TEK: variants seen among roughly 807,000 people sequenced by gnomAD.
TEK encodes angiopoietin-1 receptor.
Under a neutral mutation model 131.8 loss-of-function variants are expected in TEK, and 43 were observed. The ratio of observed to expected loss-of-function variants is 0.33; its 90% CI spans 0.26 to 0.42. The LOEUF (loss-of-function observed/expected upper bound fraction) is 0.42, where lower values mean the gene tolerates loss of function less well. TEK is among the 10% of genes least tolerant of loss of function. The pLI is 1.00. For synonymous variants in TEK, 580 were observed against 491.6 expected (o/e 1.18, Z -2.38); for missense variants, 1,162 against 1,384.4 (o/e 0.84, Z 2.55).
intron 18 of TEK, 38 bp from the exon 19 acceptor site, chr9:27,217,650 T>C (rs1440434683): frequency 1.9e-6 from 3 of 1,601,558 alleles, no homozygotes; most frequent in East Asian, 4.5e-5. Flanking sequence ...TTAAAGACCC[T>C]GTCCCAGTTA....
At chr9:27,219,752 T>TCAGA (rs1466477427) in intron 20 of TEK, among the ~76,000 whole-genome samples, 58,875 of 128,354 alleles carry the variant, frequency 0.46, 13,717 homozygotes, top group Middle Eastern at 0.57. Flanking sequence ...CTTATTGGTA[T>TCAGA]AATAAAGGTT....
At chr9:27,215,267 G>A (rs1456598815) in intron 18 of TEK, among the ~76,000 whole-genome samples, 1 of 152,022 alleles carries the variant, frequency 6.6e-6, no homozygotes, top group Admixed American at 6.6e-5. Context: ...AGACTAAACA[G>A]GGTAAAGGTG....
Position 27,202,835 on chromosome 9 carries a change from C to G in TEK, c.1925C>G (p.Pro642Arg). ...TAATTTCTAGTTCTTCCTCCTCAAC[C>G]AGAAAACATCAAGATTTCCAACATT... The part of the protein sequence containing the change: ...WTLSDILPPQ[P>R]ENIKISNITH... The change falls in exon 13 of 23, where the codon CCA (proline) becomes CGA (arginine). Residue 642 changes from proline to arginine, a missense_variant. Pro to Arg is a moderately radical substitution (Grantham distance 103). Around this residue, in one of 6 missense-constraint regions of TEK, gnomAD observed 477 missense variants for 471.0 expected, o/e 1.01. Coordinates refer to ENST00000380036, the MANE Select transcript of TEK (RefSeq NM_000459.5). 6.2e-7 allele frequency: 1 copy of G among 1,614,030 alleles called. No individual in the cohort carries two copies. The highest frequency in any genetic ancestry group is 8.5e-7 in the Non-Finnish European group (1 of 1,179,930).
At chr9:27,229,065 A>G (rs1826455114) in intron 22 of TEK, 93 bp from the exon 23 acceptor site, 3 of 1,133,046 alleles carry the variant, frequency 2.6e-6, no homozygotes, top group African/African-American at 1.5e-5. Flanking sequence ...ATGAGTTGCA[A>G]CAAACTAAGA....
chr9:27,154,847 C>A (rs1482667450), intron 1 of TEK, among the ~76,000 whole-genome samples: 1 of 152,184 alleles, frequency 6.6e-6, no homozygotes, highest in African/African-American at 2.4e-5. Flanking sequence ...GCCACAATTT[C>A]CTTTTCCGTC....
At chr9:27,170,889 C>T (rs556610698) in intron 4 of TEK, among the ~76,000 whole-genome samples, 1 of 152,266 alleles carries the variant, frequency 6.6e-6, no homozygotes, top group South Asian at 2.1e-4. Context: ...GCACTAGAAG[C>T]TCACATTTGT....
chr9:27,183,330 G>A, intron 7 of TEK, 129 bp from the exon 8 acceptor site: 1 of 1,047,304 alleles, frequency 9.5e-7, no homozygotes, highest in Non-Finnish European at 1.5e-6. Flanking sequence ...CTTATGTGAT[G>A]ACAAAACAGT....
chr9:27,116,370 G>C (rs1821556111), intron 1 of TEK, among the ~76,000 whole-genome samples: 1 of 152,068 alleles, frequency 6.6e-6, no homozygotes, highest in African/African-American at 2.4e-5. Context: ...CTCGCTGCAA[G>C]CTCCACCTCC....
At position 27,183,542 on chromosome 9, in the gene TEK, G is replaced by A. The variant is rs527402232; in HGVS notation, c.1114G>A (p.Ala372Thr). Residue 372 changes from alanine to threonine, a missense_variant, in exon 8 of 23, where the codon GCT becomes ACT. By Grantham distance (58) the Ala-to-Thr change is moderately conservative (BLOSUM62 0). Transcript: ENST00000380036. ...TGGTAAATTTAATCCCATTTGCAAA[G>A]CTTCTGGCTGGCCGCTACCTACTAA... is the stretch of plus-strand genomic sequence containing the variant. ...NSGKFNPICK[A>T]SGWPLPTNEE... 6.2e-7 allele frequency: 1 copy of A among 1,613,908 alleles called. No homozygotes were observed. The highest frequency in any genetic ancestry group is 1.7e-5 in the Admixed American group (1 of 60,002).
chr9:27,152,564 T>C (rs990582211), intron 1 of TEK, among the ~76,000 whole-genome samples: 1 of 151,766 alleles, frequency 6.6e-6, no homozygotes, highest in Admixed American at 6.6e-5. Flanking sequence ...CAAAATTTTT[T>C]TCTTTCAAAT....
intron 1 of TEK, among the ~76,000 whole-genome samples, chr9:27,149,530 A>G (rs767609093): frequency 1.6e-4 from 24 of 152,168 alleles, no homozygotes; most frequent in Non-Finnish European, 2.1e-4. Context: ...TCTTTTGTCA[A>G]TCTCCTCTTA....
At chr9:27,133,287 C>A (rs959853157) in intron 1 of TEK, among the ~76,000 whole-genome samples, 1 of 152,130 alleles carries the variant, frequency 6.6e-6, no homozygotes, top group Non-Finnish European at 1.5e-5. Context: ...CAAGTCATGG[C>A]TTATTTTTAG....
At chr9:27,159,208 A>G (rs1444110540) in intron 2 of TEK, among the ~76,000 whole-genome samples, 1 of 152,144 alleles carries the variant, frequency 6.6e-6, no homozygotes, top group Non-Finnish European at 1.5e-5. Context: ...ATAAGGTCAT[A>G]GTGTACAATT....
intron 20 of TEK, among the ~76,000 whole-genome samples, 185 bp from the exon 21 acceptor site, chr9:27,219,864 G>A (rs1825990770): frequency 6.6e-6 from 1 of 152,188 alleles, no homozygotes; most frequent in African/African-American, 2.4e-5. Flanking sequence ...ATCATGCTTT[G>A]GCATAGTCTA....
At chr9:27,143,324 C>A (rs1822797736) in intron 1 of TEK, among the ~76,000 whole-genome samples, 2 of 152,136 alleles carry the variant, frequency 1.3e-5, no homozygotes, top group South Asian at 4.1e-4. Flanking sequence ...TGTCCTTCCA[C>A]CCTTGTATGT....
intron 15 of TEK, among the ~76,000 whole-genome samples, chr9:27,208,329 C>T (rs765339714): frequency 2.0e-5 from 3 of 151,498 alleles, no homozygotes; most frequent in Non-Finnish European, 4.4e-5. Context: ...TCACTCCTTT[C>T]CTTGCCACCC....
intron 13 of TEK, 40 bp downstream of exon 13, chr9:27,203,159 C>A: frequency 1.2e-6 from 2 of 1,606,744 alleles, no homozygotes; most frequent in Non-Finnish European, 1.7e-6. Context: ...GATTACCGTG[C>A]AGCCCTATAG....
At chr9:27,149,366 A>C (rs1007613976) in intron 1 of TEK, among the ~76,000 whole-genome samples, 1 of 152,206 alleles carries the variant, frequency 6.6e-6, no homozygotes, top group Non-Finnish European at 1.5e-5. Context: ...TATAAAATTG[A>C]GTGTAAATGC....
At chr9:27,224,295 G>A (rs1315851070) in intron 21 of TEK, among the ~76,000 whole-genome samples, 1 of 152,122 alleles carries the variant, frequency 6.6e-6, no homozygotes, top group African/African-American at 2.4e-5. Context: ...AAACCTGGCA[G>A]AGACACAACA....
Sources: allele counts gnomAD v4.1 joint callset (sites outside exome capture counted in the v4.1 genomes callset), GRCh38; gene constraint gnomAD v4.1.1; regional missense constraint gnomAD v4.1.1; transcripts MANE v1.5; gene names NCBI Gene and HGNC (gene_info 2026-07-23, HGNC 2026-07-21).